The following CENPC variants were observed in gnomAD, a reference collection of about 807,000 sequenced individuals.
CENPC encodes CENP-C 1.
A neutral mutation model predicts 112.1 loss-of-function variants in CENPC; 63 were observed. That is an observed-to-expected ratio of 0.56 (90% CI 0.46 to 0.69). The LOEUF (loss-of-function observed/expected upper bound fraction) is 0.69, where lower values mean the gene tolerates loss of function less well. CENPC is among the 30% of genes least tolerant of loss of function. The probability of loss-of-function intolerance (pLI) is 0.00; values close to 1 mark genes in which losing one functional copy is unlikely to be tolerated. For synonymous variants in CENPC, 333 were observed against 367.6 expected, an observed-to-expected ratio of 0.91 and a Z score of 1.08; for missense variants, 1,000 against 1,103.8, an observed-to-expected ratio of 0.91 and a Z score of 1.33.
chr4:67,475,985 G>T (rs1413315774), intron 17 of CENPC, among the ~76,000 whole-genome samples: 1 of 152,146 alleles, frequency 6.6e-6, no homozygotes, highest in Non-Finnish European at 1.5e-5. Context: ...GGTCCTATAA[G>T]GTTACAATGG....
At position 67,544,201 on chromosome 4, in the gene CENPC, A is replaced by G. The variant is rs1437221018; in HGVS notation, c.19-6T>C. ...TAGCCATTTTTGAGATGATCCTGAA[A>G]GAAAAGTAAATCATCAATTTGGTTT... On this transcript the variant is annotated splice_region_variant and splice_polypyrimidine_tract_variant and intron_variant, in intron 1 of 18. Coordinates refer to ENST00000273853, the MANE Select transcript of CENPC (RefSeq NM_001812.4). 6.5e-7 allele frequency: 1 copy of G among 1,531,324 alleles called. No individual in the cohort carries two copies. The allele number at this position is 1,531,324 out of a possible 1,614,324, so 94.9% of individuals were successfully genotyped here.
chr4:67,492,203 T>A lies in CENPC; in HGVS notation c.2492A>T (p.Glu831Val). 3 of 1,565,564 alleles carry A rather than the reference T, an allele frequency of 1.9e-6. No homozygotes were observed. The highest frequency in any genetic ancestry group is 2.6e-6 in the Non-Finnish European group (3 of 1,152,660). ...PLQPTRVKDP[E>V]TREIILMDLV... is the part of the protein sequence containing the mutation. ...ACCCATGAGAATAATCTCTCTTGTT[T>A]CTGGGTCCTTTACCCTCGTTGGCTG... Residue 831 changes from glutamate to valine, a missense_variant, in exon 16 of 19, where the codon GAA (glutamate) becomes GTA (valine). Glu to Val is a moderately radical substitution (Grantham distance 121). Transcript: ENST00000273853.
chr4:67,486,900 T>G (rs1168806272), intron 17 of CENPC, among the ~76,000 whole-genome samples: 1 of 152,036 alleles, frequency 6.6e-6, no homozygotes, highest in Non-Finnish European at 1.5e-5. Context: ...TCACCACACT[T>G]TATTTCTTGT....
At chr4:67,499,222 T>C (rs922141478) in intron 12 of CENPC, among the ~76,000 whole-genome samples, 4 of 152,208 alleles carry the variant, frequency 2.6e-5, no homozygotes, top group African/African-American at 9.6e-5. Flanking sequence ...TCACCAGCTG[T>C]ATTAGCCCTT....
chr4:67,486,082 G>T (rs892246274), intron 17 of CENPC, among the ~76,000 whole-genome samples: 4 of 152,062 alleles, frequency 2.6e-5, no homozygotes, highest in Non-Finnish European at 5.9e-5. Context: ...AGACAAAAAA[G>T]TAATACTAAA....
chr4:67,469,264 G>T lies in CENPC; in HGVS notation c.*3341C>A, dbSNP rs1042095204. On this transcript the variant is annotated 3_prime_UTR_variant, in exon 19 of 19. Coordinates refer to ENST00000273853, the MANE Select transcript of CENPC (RefSeq NM_001812.4). ...CGATGGATTAATGGGTATCAAATTTGCCCTCCTCCAACAAACTTTAAAATA... is the reference window on the plus strand; with the variant it reads ...CGATGGATTAATGGGTATCAAATTTTCCCTCCTCCAACAAACTTTAAAATA... 1 of 152,038 alleles carries T rather than the reference G, an allele frequency of 6.6e-6. No homozygotes were observed. The highest frequency in any genetic ancestry group is 2.4e-5 in the African/African-American group (1 of 41,390). 9.4% of individuals were successfully genotyped at this position (152,038 alleles called of 1,614,324 possible). A position where few individuals can be genotyped will look rare whatever the true frequency, so the allele number is the denominator to read the frequency against.
At chr4:67,479,718 T>C (rs541593401) in intron 17 of CENPC, among the ~76,000 whole-genome samples, 1 of 152,128 alleles carries the variant, frequency 6.6e-6, no homozygotes, top group South Asian at 2.1e-4. Context: ...ATCAGGCCAT[T>C]TGGTAGAACT....
chr4:67,536,071 T>C (rs1004613806), intron 4 of CENPC, among the ~76,000 whole-genome samples: 7 of 152,108 alleles, frequency 4.6e-5, no homozygotes, highest in African/African-American at 1.7e-4. Context: ...AATAAAATAG[T>C]GAACCAGAAT....
rs1726145986 is a variant in CENPC at position 67,519,183 on chromosome 4, A to G, written c.617+34T>C. 3.4e-6 allele frequency: 5 copies of G among 1,454,906 alleles called. No homozygotes were observed. The East Asian group carries it at 1.2e-4, about 34-fold the overall frequency. The allele number at this position is 1,454,906 out of a possible 1,614,324, so 90.1% of individuals were successfully genotyped here. A position where few individuals can be genotyped will look rare whatever the true frequency, so the allele number is the denominator to read the frequency against. ...TTTTAATACAAAAAGTAAAATTTTTAAAGTGCGTTAACATTATTTAAATAA... is the reference window on the plus strand; with the variant it reads ...TTTTAATACAAAAAGTAAAATTTTTGAAGTGCGTTAACATTATTTAAATAA... On this transcript the variant is annotated intron_variant, in intron 6 of 18. Transcript: ENST00000273853.
At chr4:67,500,561 C>A (rs1725564448) in intron 12 of CENPC, among the ~76,000 whole-genome samples, 1 of 152,216 alleles carries the variant, frequency 6.6e-6, no homozygotes, top group East Asian at 1.9e-4. Flanking sequence ...TGCCAAAAAA[C>A]AAAGACAGTA....
At chr4:67,523,311 A>C (rs76801698) in intron 5 of CENPC, among the ~76,000 whole-genome samples, 8 of 124,158 alleles carry the variant, frequency 6.4e-5, no homozygotes, top group African/African-American at 1.5e-4. Flanking sequence ...AGACTCTCTC[A>C]AAAAAACAAA....
intron 18 of CENPC, 169 bp downstream of exon 18, chr4:67,474,719 C>T: frequency 3.4e-6 from 2 of 588,222 alleles, no homozygotes; most frequent in Non-Finnish European, 3.0e-6. Context: ...AAAACCACCA[C>T]AAAATGCTAA....
chr4:67,478,416 AT>A (rs977897552), intron 17 of CENPC, among the ~76,000 whole-genome samples: 3 of 152,138 alleles, frequency 2.0e-5, no homozygotes, highest in African/African-American at 4.8e-5. Flanking sequence ...AAATAAAACA[AT>A]TATCAGCCAA....
intron 17 of CENPC, among the ~76,000 whole-genome samples, chr4:67,485,484 T>C (rs1315722339): frequency 6.6e-6 from 1 of 151,924 alleles, no homozygotes; most frequent in Admixed American, 6.6e-5. Flanking sequence ...CCCAATGTGA[T>C]GGGATCAGGA....
intron 5 of CENPC, among the ~76,000 whole-genome samples, chr4:67,530,455 T>C (rs548170615): frequency 6.6e-6 from 1 of 152,014 alleles, no homozygotes; most frequent in South Asian, 2.1e-4. Context: ...GGGCACCAAT[T>C]AAGGTACAGA....
intron 17 of CENPC, among the ~76,000 whole-genome samples, chr4:67,484,942 A>C (rs1383236068): frequency 6.6e-6 from 1 of 152,062 alleles, no homozygotes; most frequent in Non-Finnish European, 1.5e-5. Context: ...AAATACAAAA[A>C]ATTAGCCAGG....
intron 6 of CENPC, 150 bp from the exon 7 acceptor site, chr4:67,518,518 C>A: frequency 7.6e-6 from 6 of 793,700 alleles, no homozygotes; most frequent in South Asian, 9.4e-5. Context: ...TTTGTGCATT[C>A]CAAATACATA....
At chr4:67,529,643 TAAGA>T (rs907609425) in intron 5 of CENPC, among the ~76,000 whole-genome samples, 3 of 152,092 alleles carry the variant, frequency 2.0e-5, no homozygotes, top group African/African-American at 7.2e-5. Context: ...AACATTTTTA[TAAGA>T]AAGAAACATA....
chr4:67,500,702 C>T (rs1304106790), intron 12 of CENPC, among the ~76,000 whole-genome samples: 1 of 151,990 alleles, frequency 6.6e-6, no homozygotes, highest in African/African-American at 2.4e-5. Flanking sequence ...AGTAGTAGTC[C>T]ATACTGATAT....
Sources: gnomAD v4.1 joint callset for allele counts (sites outside exome capture counted in the v4.1 genomes callset) on GRCh38, gnomAD v4.1.1 for gene constraint, MANE v1.5 for transcripts, NCBI Gene and HGNC (gene_info 2026-07-23, HGNC 2026-07-21) for gene names.